Variants in MDH2 observed in about 807,000 individuals in gnomAD.
The protein encoded by MDH2 is malate dehydrogenase, mitochondrial.
In MDH2, 25 loss-of-function variants were observed where a neutral mutation model predicts 33.6. The ratio of observed to expected loss-of-function variants is 0.74; its 90% CI spans 0.54 to 1.04. The LOEUF is 1.04. Ranked by LOEUF, MDH2 falls within the 50% of genes least tolerant of loss-of-function variation. The pLI is 0.00. For synonymous variants in MDH2, 193 were observed against 188.7 expected (o/e 1.02, Z -0.19); for missense variants, 432 against 445.0 (o/e 0.97, Z 0.26).
In MDH2 at chr7:76,051,467, A is replaced by C. The variant is rs1032610302; in HGVS notation, c.66+3241A>C. On this transcript the variant is annotated intron_variant, in intron 1 of 8. Coordinates refer to ENST00000315758, the MANE Select transcript of MDH2 (RefSeq NM_005918.4). ...CTTCCGAGTAGCTGGGATTACAGGC[A>C]TGCGCCACCATGCCTGGCTAATTTT... Among the ~76,000 whole-genome samples the C allele has an allele frequency of 2.0e-5, 3 of 151,808 alleles. No individual in the cohort carries two copies. The East Asian group carries it at 5.9e-4, about 30-fold the overall frequency.
rs1377710733 is a variant in MDH2, at chr7:76,067,372, GTTT to G, written c.*967_*969del. The G allele has an allele frequency of 6.6e-6, 1 of 151,982 alleles. No individual in the cohort carries two copies. The highest frequency in any genetic ancestry group is 2.4e-5 in the African/African-American group (1 of 41,358). 9.4% of individuals were successfully genotyped at this position (151,982 alleles called of 1,614,324 possible). A position where few individuals can be genotyped will look rare whatever the true frequency, so the allele number is the denominator to read the frequency against. On this transcript the variant is annotated 3_prime_UTR_variant, in exon 9 of 9. Transcript: ENST00000315758. ...GTTCATCTGTCCACAACAGCTTTTT[GTTT>G]TTTTAAAAAAGCTAAAATGGAAATG... is the stretch of plus-strand genomic sequence containing the variant.
chr7:76,060,604 C>T, intron 5 of MDH2, 106 bp downstream of exon 5: 3 of 1,485,718 alleles, frequency 2.0e-6, no homozygotes, highest in East Asian at 2.3e-5. Flanking sequence ...GGTCACGTGT[C>T]ACTTTGGGGT....
At chr7:76,055,137 T>C in intron 2 of MDH2, 139 bp downstream of exon 2, 1 of 973,044 alleles carries the variant, frequency 1.0e-6, no homozygotes, top group Non-Finnish European at 1.4e-6. Flanking sequence ...TTACAAGTGA[T>C]TACACCCTTT....
Position 76,057,481 on chromosome 7 carries a change from C to T in MDH2, c.307C>T (p.Pro103Ser), listed in dbSNP as rs782289550. ...TGTGGTAGTTATTCCGGCTGGAGTC[C>T]CCAGAAAGCCAGGTTTGTGTTTGAA... The part of the protein sequence containing the change: ...CDVVVIPAGV[P>S]RKPGMTRDDL... Residue 103 changes from proline to serine, a missense_variant, in exon 3 of 9, where the codon CCC (proline) becomes TCC (serine). By Grantham distance (74) the Pro-to-Ser change is moderately conservative. Coordinates refer to ENST00000315758, the MANE Select transcript of MDH2 (RefSeq NM_005918.4). 6.2e-7 allele frequency: 1 copy of T among 1,614,110 alleles called. No homozygotes were observed. The highest frequency in any genetic ancestry group is 2.2e-5 in the East Asian group (1 of 44,874).
In MDH2 at chr7:76,063,568, G is replaced by A. The variant is rs782262165; in HGVS notation, c.609G>A (p.Lys203=). 3 of 1,614,236 alleles carry A rather than the reference G, an allele frequency of 1.9e-6. No homozygotes were observed. The South Asian group carries it at 3.3e-5, about 18-fold the overall frequency. Reference sequence around the variant, plus strand: ...CTGTCATTGGTGGCCATGCTGGGAAGACCATCATCCCCCTGATCTCTCAGG... The same window carrying A: ...CTGTCATTGGTGGCCATGCTGGGAAAACCATCATCCCCCTGATCTCTCAGG... ...NVPVIGGHAG[K]TIIPLISQCT... The change falls in exon 6 of 9, where the codon AAG becomes AAA. Residue 203 remains lysine (K), a synonymous_variant. Coordinates refer to ENST00000315758, the MANE Select transcript of MDH2 (RefSeq NM_005918.4).
At position 76,053,189 on chromosome 7, in the gene MDH2, A is replaced by T. The variant is rs553063615; in HGVS notation, c.67-1641A>T. Among the ~76,000 whole-genome samples, 50 of 152,312 alleles carry T rather than the reference A, an allele frequency of 3.3e-4. 1 individual carries two copies. In the South Asian group the frequency reaches 0.01, roughly 31 times the overall value. On this transcript the variant is annotated intron_variant, in intron 1 of 8. Coordinates refer to ENST00000315758, the MANE Select transcript of MDH2 (RefSeq NM_005918.4). ...TCTGATAAGAAGGAGGTGGCAGAAG[A>T]TGGTTCTAGAAGTTTACATTTAGTG...
chr7:76,054,762 A>G (rs1797719381), intron 1 of MDH2, 68 bp from the exon 2 acceptor site: 3 of 1,585,032 alleles, frequency 1.9e-6, no homozygotes, highest in South Asian at 2.2e-5. Flanking sequence ...GCAACATTAT[A>G]GGATACCATG....
intron 5 of MDH2, among the ~76,000 whole-genome samples, chr7:76,061,290 T>A (rs1797941294): frequency 6.6e-6 from 1 of 152,202 alleles, no homozygotes; most frequent in Non-Finnish European, 1.5e-5. Flanking sequence ...ACCCTTGGCC[T>A]CCGTTTTACT....
intron 1 of MDH2, among the ~76,000 whole-genome samples, chr7:76,053,705 G>A (rs931755830): frequency 3.3e-5 from 5 of 152,102 alleles, no homozygotes; most frequent in South Asian, 2.1e-4. Flanking sequence ...GAGAGTTCCC[G>A]TGTCTGCCAC....
rs116207988 is a variant in MDH2, at chr7:76,051,181, G to A, written c.66+2955G>A. Among the ~76,000 whole-genome samples the A allele has an allele frequency of 9.7e-3, 1,475 of 151,520 alleles. 27 individuals carry two copies. The highest frequency in any genetic ancestry group is 0.032 in the African/African-American group (1,309 of 41,318). On this transcript the variant is annotated intron_variant, in intron 1 of 8. Coordinates refer to ENST00000315758, the MANE Select transcript of MDH2 (RefSeq NM_005918.4). ...ATTATAGACGTGAGCCACCACACCC[G>A]GCCAGGATCTCAGTTTTTCATATGT...
chr7:76,048,987 G>T (rs1467092618), intron 1 of MDH2: 1 of 37,438 alleles, frequency 2.7e-5, no homozygotes, highest in Non-Finnish European at 4.3e-5. Flanking sequence ...ACTGCGGGGG[G>T]GGGGGGGGGG....
At chr7:76,056,942 G>C (rs1797803206) in intron 2 of MDH2, among the ~76,000 whole-genome samples, 1 of 151,930 alleles carries the variant, frequency 6.6e-6, no homozygotes, top group Admixed American at 6.6e-5. Context: ...GAAGCCGGGA[G>C]GTGGAGGTTG....
At chr7:76,054,590 G>C (rs1797715468) in intron 1 of MDH2, 1 of 500,324 alleles carries the variant, frequency 2.0e-6, no homozygotes, top group South Asian at 2.4e-5. Flanking sequence ...TCTTTCAGGA[G>C]GGTTTTGAAG....
rs1797453907 is a variant in MDH2 at position 76,048,924 on chromosome 7, T to A, written c.66+698T>A. 5.1e-6 allele frequency: 5 copies of A among 980,064 alleles called. No individual in the cohort carries two copies. The South Asian group carries it at 1.9e-4, about 38-fold the overall frequency. The allele number at this position is 980,064 out of a possible 1,614,324, so 60.7% of individuals were successfully genotyped here. On this transcript the variant is annotated intron_variant, in intron 1 of 8. Transcript: ENST00000315758. The stretch of plus-strand genomic sequence containing the variant: ...TCTTAAACTCTGCAGTGTGTCAGAA[T>A]CACCAGAAAGCTAATAAAAAACAGA...
intron 6 of MDH2, 42 bp from the exon 7 acceptor site, chr7:76,064,297 T>C (rs782209763): frequency 6.6e-7 from 1 of 1,525,956 alleles, no homozygotes; most frequent in African/African-American, 1.4e-5. Context: ...TCTGGGGTCA[T>C]GGGCCGGAAG....
chr7:76,048,295 C>T (rs1401455299), intron 1 of MDH2, 69 bp downstream of exon 1: 3 of 1,502,660 alleles, frequency 2.0e-6, no homozygotes, highest in East Asian at 5.0e-5. Context: ...CCCCGGTTCG[C>T]GGGCAGCTCT....
chr7:76,055,851 C>A (rs1476261945), intron 2 of MDH2, among the ~76,000 whole-genome samples: 1 of 134,004 alleles, frequency 7.5e-6, no homozygotes, highest in South Asian at 2.3e-4. Context: ...TTTTTTGAGA[C>A]CATGTCTTCC....
chr7:76,048,965 A>G, intron 1 of MDH2: 1 of 515,962 alleles, frequency 1.9e-6, no homozygotes, highest in Non-Finnish European at 2.3e-6. Flanking sequence ...GGGTTCATTG[A>G]AGAAGCTTAA....
chr7:76,060,267 CTAGT>C, intron 4 of MDH2, 102 bp from the exon 5 acceptor site: 10 of 1,422,470 alleles, frequency 7.0e-6, no homozygotes, highest in Non-Finnish European at 9.4e-6. Flanking sequence ...CATCTTTGGA[CTAGT>C]TAGACCTTTG....
Sources: gnomAD v4.1 joint callset for allele counts (sites outside exome capture counted in the v4.1 genomes callset) on GRCh38, gnomAD v4.1.1 for gene constraint, MANE v1.5 for transcripts, NCBI Gene and HGNC (gene_info 2026-07-23, HGNC 2026-07-21) for gene names.